Variants in FGGY observed in about 807,000 individuals in gnomAD.
The protein encoded by FGGY is FGGY carbohydrate kinase domain-containing protein.
In FGGY, 72 loss-of-function variants were observed where a neutral mutation model predicts 71.3. That is an observed-to-expected ratio of 1.01 (90% confidence interval 0.84 to 1.23). The LOEUF (loss-of-function observed/expected upper bound fraction) is 1.23. Among genes scored for constraint, FGGY ranks in the 50% most tolerant of loss-of-function variants. The pLI is 0.00. For missense variants in FGGY, 668 were observed against 682.3 expected (o/e 0.98, Z 0.23); for synonymous variants, 251 against 250.3 (o/e 1.00, Z -0.02).
At chr1:59,469,918 G>A (rs1262345187) in intron 6 of FGGY, among the ~76,000 whole-genome samples, 2 of 152,150 alleles carry the variant, frequency 1.3e-5, no homozygotes, top group East Asian at 3.9e-4. Flanking sequence ...TCCCTGCAAA[G>A]GACATGATCT....
chr1:59,717,178 C>T (rs1364566231), intron 14 of FGGY, among the ~76,000 whole-genome samples: 1 of 152,110 alleles, frequency 6.6e-6, no homozygotes, highest in Non-Finnish European at 1.5e-5. Context: ...ATTCTGCTTA[C>T]TTAGTTCAAC....
chr1:59,410,623 T>C (rs1420231947), intron 5 of FGGY, among the ~76,000 whole-genome samples: 1 of 152,184 alleles, frequency 6.6e-6, no homozygotes, highest in Non-Finnish European at 1.5e-5. Context: ...CTTTCACTTG[T>C]CCTACCAACC....
chr1:59,370,262 A>G (rs935169070), intron 4 of FGGY, among the ~76,000 whole-genome samples: 1 of 152,236 alleles, frequency 6.6e-6, no homozygotes, highest in African/African-American at 2.4e-5. Flanking sequence ...AACCACGTGA[A>G]GAATGCAGAA....
At chr1:59,533,366 A>G (rs533186393) in intron 7 of FGGY, among the ~76,000 whole-genome samples, 74 of 152,308 alleles carry the variant, frequency 4.9e-4, no homozygotes, top group Admixed American at 2.2e-3. Flanking sequence ...ACGGAGTCTC[A>G]CTGATTGCTA....
rs754831417 is a variant in FGGY, at chr1:59,542,445, C to CTTTTTTTTTT, written c.800-11657_800-11648dup. On this transcript the variant is annotated intron_variant, in intron 7 of 15. Coordinates refer to ENST00000303721, the MANE Select transcript of FGGY (RefSeq NM_018291.5). ...GCCAAGACTATATGTATGTTCTTTA[C>CTTTTTTTTTT]TTTTTTTTTTTTTTTTTTTTTTTTT... Among the ~76,000 whole-genome samples, 25 of 34,260 alleles carry CTTTTTTTTTT rather than the reference C, an allele frequency of 7.3e-4. 6 individuals carry two copies. Among genetic ancestry groups the CTTTTTTTTTT allele is most frequent in the Admixed American group, 1.3e-3 (3 of 2,368 alleles). 22.5% of individuals were successfully genotyped at this position (34,260 alleles called of 152,430 possible).
intron 8 of FGGY, among the ~76,000 whole-genome samples, chr1:59,587,344 G>A (rs1451463296): frequency 1.3e-5 from 2 of 152,102 alleles, no homozygotes; most frequent in African/African-American, 2.4e-5. Context: ...GCCTGCCTCT[G>A]TAGGCTCCAC....
chr1:59,452,327 G>A (rs1356055662), intron 5 of FGGY, among the ~76,000 whole-genome samples: 1 of 152,098 alleles, frequency 6.6e-6, no homozygotes, highest in Non-Finnish European at 1.5e-5. Context: ...GATGTCATAT[G>A]TCATATTTCA....
At chr1:59,581,303 C>G (rs1295199681) in intron 8 of FGGY, among the ~76,000 whole-genome samples, 4 of 149,914 alleles carry the variant, frequency 2.7e-5, no homozygotes, top group Non-Finnish European at 4.4e-5. Context: ...TAATCAGGAT[C>G]CCTAGTTGAG....
At chr1:59,673,914 G>A (rs1313535132) in intron 13 of FGGY, 125 bp from the exon 14 acceptor site, 5 of 697,858 alleles carry the variant, frequency 7.2e-6, no homozygotes, top group Non-Finnish European at 1.3e-5. Flanking sequence ...GAGGACTGCA[G>A]GGAGTCGGGC....
intron 14 of FGGY, chr1:59,755,079 C>A (rs2098278733): frequency 1.3e-5 from 2 of 152,164 alleles, no homozygotes; most frequent in Non-Finnish European, 2.9e-5. Flanking sequence ...GTGCAGTAAA[C>A]CAACAGCTCT....
chr1:59,376,281 C>G (rs529190667), intron 4 of FGGY, among the ~76,000 whole-genome samples: 2 of 152,268 alleles, frequency 1.3e-5, no homozygotes, highest in East Asian at 1.9e-4. Context: ...GGGCAGGTCC[C>G]TTTCTAGACA....
At chr1:59,522,187 G>A (rs759629637) in intron 7 of FGGY, among the ~76,000 whole-genome samples, 1 of 152,186 alleles carries the variant, frequency 6.6e-6, no homozygotes, top group Non-Finnish European at 1.5e-5. Flanking sequence ...CCTGCCAAAG[G>A]TTACATTTTA....
chr1:59,739,193 A>G (rs1295386132), intron 14 of FGGY, among the ~76,000 whole-genome samples: 3 of 152,236 alleles, frequency 2.0e-5, no homozygotes, highest in Admixed American at 6.5e-5. Flanking sequence ...GCTTTTCAGT[A>G]TGCATGAGTT....
intron 6 of FGGY, among the ~76,000 whole-genome samples, chr1:59,491,673 T>C (rs2093868819): frequency 6.8e-6 from 1 of 147,778 alleles, no homozygotes; most frequent in Non-Finnish European, 1.5e-5. Flanking sequence ...TTTGACTTCC[T>C]TCTTTCCAGT....
chr1:59,402,941 G>A lies in FGGY; in HGVS notation c.554+24104G>A, dbSNP rs553496231. Among the ~76,000 whole-genome samples, 4 of 152,312 alleles carry A rather than the reference G, an allele frequency of 2.6e-5. No individual in the cohort carries two copies. In the South Asian group the frequency reaches 6.2e-4, roughly 24 times the overall value. ...GAGGGCAAGCATCAGGAAAGCCTGGGTATGGGGGTCCCGGGCTCCTGAGGC... is the reference window on the plus strand; with the variant it reads ...GAGGGCAAGCATCAGGAAAGCCTGGATATGGGGGTCCCGGGCTCCTGAGGC... On this transcript the variant is annotated intron_variant, in intron 5 of 15. Transcript: ENST00000303721.
chr1:59,401,032 A>C (rs1197960637), intron 5 of FGGY, among the ~76,000 whole-genome samples: 1 of 152,092 alleles, frequency 6.6e-6, no homozygotes, highest in Non-Finnish European at 1.5e-5. Context: ...TTTTAGTAGT[A>C]TTTTGCTTTG....
At chr1:59,627,481 TATATATATAC>T (rs1395069548) in intron 10 of FGGY, among the ~76,000 whole-genome samples, 64 of 127,132 alleles carry the variant, frequency 5.0e-4, no homozygotes, top group African/African-American at 1.4e-3. Context: ...TATATATATA[TATATATATAC>T]ACACACACAC....
At chr1:59,487,940 G>A (rs746381260) in intron 6 of FGGY, among the ~76,000 whole-genome samples, 1 of 151,792 alleles carries the variant, frequency 6.6e-6, no homozygotes, top group Non-Finnish European at 1.5e-5. Context: ...CTAAAGAAAA[G>A]CCAGAAAGTG....
At chr1:59,667,765 C>T (rs2097338579) in intron 13 of FGGY, among the ~76,000 whole-genome samples, 1 of 152,144 alleles carries the variant, frequency 6.6e-6, no homozygotes. Flanking sequence ...GATCCTTGCT[C>T]CCCACCACCC....
Sources: gnomAD v4.1 joint callset for allele counts (sites outside exome capture counted in the v4.1 genomes callset) on GRCh38, gnomAD v4.1.1 for gene constraint, MANE v1.5 for transcripts, NCBI Gene and HGNC (gene_info 2026-07-23, HGNC 2026-07-21) for gene names.